AKAP11: variants seen among roughly 807,000 people sequenced by gnomAD.
AKAP11 encodes A-kinase anchor protein 11.
Under a neutral mutation model 146.1 loss-of-function variants are expected in AKAP11, and 36 were observed. That is an observed-to-expected ratio of 0.25 (90% confidence interval 0.19 to 0.33). The LOEUF is 0.33. Among genes scored for constraint, AKAP11 ranks in the 10% least tolerant of loss-of-function variants. The pLI is 1.00. For missense variants in AKAP11, 2,201 were observed against 2,197.0 expected (o/e 1.00, Z -0.04); for synonymous variants, 780 against 786.5 (o/e 0.99, Z 0.14).
At chr13:42,284,047 C>T (rs1188788492) in intron 1 of AKAP11, among the ~76,000 whole-genome samples, 1 of 152,138 alleles carries the variant, frequency 6.6e-6, no homozygotes, top group Admixed American at 6.5e-5. Flanking sequence ...GGACTTGAAT[C>T]CCACCTGTGC....
chr13:42,285,525 T>G (rs1322054843), intron 1 of AKAP11, among the ~76,000 whole-genome samples: 1 of 152,260 alleles, frequency 6.6e-6, no homozygotes, highest in African/African-American at 2.4e-5. Context: ...CTATCTTGTT[T>G]CTCTTGTATC....
At chr13:42,298,855 A>C in intron 7 of AKAP11, 58 bp downstream of exon 7, 1 of 1,505,648 alleles carries the variant, frequency 6.6e-7, no homozygotes, top group Non-Finnish European at 8.8e-7. Flanking sequence ...TCAGTTTTGA[A>C]AATTTTAAGG....
intron 3 of AKAP11, among the ~76,000 whole-genome samples, chr13:42,290,073 C>G (rs1959194262): frequency 6.6e-6 from 1 of 151,976 alleles, no homozygotes; most frequent in Admixed American, 6.6e-5. Context: ...TAACTTTTTC[C>G]TTGCTTCTCT....
At chr13:42,279,911 C>T (rs7995475) in intron 1 of AKAP11, among the ~76,000 whole-genome samples, 1,795 of 152,254 alleles carry the variant, frequency 0.012, 32 homozygotes, top group African/African-American at 0.041. Context: ...CAGTTTTTAA[C>T]GTAGTGCTGA....
intron 3 of AKAP11, 116 bp from the exon 4 acceptor site, chr13:42,292,269 G>C: frequency 2.0e-6 from 1 of 492,866 alleles, no homozygotes; most frequent in Non-Finnish European, 3.6e-6. Context: ...AGTATCAAAA[G>C]GTGCCAGTGA....
rs1566278916 is a variant in AKAP11, at chr13:42,302,458, C to G, written c.3712C>G (p.Gln1238Glu). The G allele has an allele frequency of 7.4e-6, 12 of 1,614,018 alleles. No homozygotes were observed. The highest frequency in any genetic ancestry group is 1.0e-5 in the Non-Finnish European group (12 of 1,180,014). ...VKNPCLNVQSQRSVSPTFLNP... is the reference protein window; with the variant it reads ...VKNPCLNVQSERSVSPTFLNP... ...AAACCCTTGCTTAAATGTGCAAAGTCAAAGAAGTGTGTCGCCTACTTTTTT... is the reference window on the plus strand; with the variant it reads ...AAACCCTTGCTTAAATGTGCAAAGTGAAAGAAGTGTGTCGCCTACTTTTTT... The change falls in exon 8 of 13, where the codon CAA (glutamine) becomes GAA (glutamate). Residue 1238 changes from glutamine to glutamate, a missense_variant. Transcript: ENST00000025301.
chr13:42,275,831 A>G (rs1594291357), intron 1 of AKAP11, among the ~76,000 whole-genome samples: 1 of 152,198 alleles, frequency 6.6e-6, no homozygotes, highest in Non-Finnish European at 1.5e-5. Flanking sequence ...GGCAGGCACA[A>G]TGCAAGGGTA....
intron 6 of AKAP11, 98 bp downstream of exon 6, chr13:42,297,280 T>A (rs1830045370): frequency 1.2e-5 from 11 of 934,610 alleles, no homozygotes; most frequent in Non-Finnish European, 1.7e-5. Flanking sequence ...TGACATTTGT[T>A]TTTTTTAAAT....
intron 3 of AKAP11, among the ~76,000 whole-genome samples, chr13:42,290,383 A>G (rs944058491): frequency 2.0e-5 from 3 of 152,176 alleles, no homozygotes; most frequent in African/African-American, 7.2e-5. Context: ...GGTAATAACC[A>G]CCAGATATCT....
chr13:42,306,437 T>C (rs1960265154), intron 8 of AKAP11, among the ~76,000 whole-genome samples: 1 of 152,212 alleles, frequency 6.6e-6, no homozygotes. Context: ...ATTGATTTTC[T>C]CAGTAATTTC....
chr13:42,295,534 A>G (rs1023163547), intron 4 of AKAP11, among the ~76,000 whole-genome samples, 161 bp from the exon 5 acceptor site: 5 of 151,694 alleles, frequency 3.3e-5, no homozygotes, highest in Non-Finnish European at 5.9e-5. Flanking sequence ...TTGGAGCCCA[A>G]TCTTTGGTGA....
chr13:42,308,924 G>A (rs1256361814), intron 9 of AKAP11, among the ~76,000 whole-genome samples: 1 of 151,422 alleles, frequency 6.6e-6, no homozygotes, highest in Non-Finnish European at 1.5e-5. Context: ...ACTTTAAAAA[G>A]GGTACTTTTT....
chr13:42,308,251 G>T (rs139138901), intron 8 of AKAP11, among the ~76,000 whole-genome samples: 1 of 152,112 alleles, frequency 6.6e-6, no homozygotes, highest in Non-Finnish European at 1.5e-5. Context: ...CTGTTGGTGG[G>T]TACCTCAGTT....
At chr13:42,274,175 T>C (rs1958854037) in intron 1 of AKAP11, among the ~76,000 whole-genome samples, 1 of 152,146 alleles carries the variant, frequency 6.6e-6, no homozygotes, top group African/African-American at 2.4e-5. Flanking sequence ...TTTCCTGTCT[T>C]GTGGTCTGCA....
At chr13:42,283,854 T>G (rs1959111827) in intron 1 of AKAP11, among the ~76,000 whole-genome samples, 1 of 152,256 alleles carries the variant, frequency 6.6e-6, no homozygotes, top group African/African-American at 2.4e-5. Context: ...TCCTGCAGTA[T>G]TGTTTTTAAT....
At chr13:42,298,414 A>G in intron 6 of AKAP11, 119 bp from the exon 7 acceptor site, 1 of 1,041,270 alleles carries the variant, frequency 9.6e-7, no homozygotes. Context: ...GGAGCTTTTC[A>G]GGATGCATGA....
At chr13:42,279,722 T>C (rs1049752845) in intron 1 of AKAP11, among the ~76,000 whole-genome samples, 3 of 152,204 alleles carry the variant, frequency 2.0e-5, no homozygotes, top group African/African-American at 7.2e-5. Context: ...TTCATATTTT[T>C]CTCTTCCTTT....
chr13:42,275,079 C>T (rs191354272), intron 1 of AKAP11, among the ~76,000 whole-genome samples: 84 of 152,316 alleles, frequency 5.5e-4, no homozygotes, highest in African/African-American at 1.9e-3. Flanking sequence ...TCATACAGTG[C>T]TGCTGAAGTC....
chr13:42,308,469 AGAC>A lies in AKAP11; in HGVS notation c.5134_5136del (p.Asp1712del). 1 of 1,591,170 alleles carries A rather than the reference AGAC, an allele frequency of 6.3e-7. No homozygotes were observed. Among genetic ancestry groups the A allele is most frequent in the Non-Finnish European group, 8.6e-7 (1 of 1,167,744 alleles). The stretch of plus-strand genomic sequence containing the variant: ...TTCTTTTTAGTTCAAAAGAAATAGA[AGAC>A]TTTCAGTCAACCGAGTCTGTCAGTA... On this transcript the variant is annotated inframe_deletion, in exon 9 of 13. Coordinates refer to ENST00000025301, the MANE Select transcript of AKAP11 (RefSeq NM_016248.4).
Sources: allele counts gnomAD v4.1 joint callset (sites outside exome capture counted in the v4.1 genomes callset), GRCh38; gene constraint gnomAD v4.1.1; transcripts MANE v1.5; gene names NCBI Gene and HGNC (gene_info 2026-07-23, HGNC 2026-07-21).